Variants in NALF1 observed in about 807,000 individuals in gnomAD.
NALF1 encodes family with sequence similarity 155 member A.
NALF1 carries 3 observed loss-of-function variants against 48.4 expected under a neutral mutation model. The observed-to-expected ratio is 0.06, with a 90% confidence interval of 0.03 to 0.16. The LOEUF is 0.16. NALF1 is among the 10% of genes least tolerant of loss of function. The pLI is 1.00. For synonymous variants in NALF1, 262 were observed against 245.7 expected, an observed-to-expected ratio of 1.07 and a Z score of -0.62; for missense variants, 526 against 571.5, an observed-to-expected ratio of 0.92 and a Z score of 0.81.
At chr13:107,496,178 T>A (rs1022852267) in intron 1 of NALF1, among the ~76,000 whole-genome samples, 1 of 152,202 alleles carries the variant, frequency 6.6e-6, no homozygotes, top group Non-Finnish European at 1.5e-5. Context: ...GTTTTAAAAG[T>A]ATTTTCCCTG....
chr13:107,622,010 T>C (rs1157866382), intron 1 of NALF1, among the ~76,000 whole-genome samples: 5 of 152,086 alleles, frequency 3.3e-5, no homozygotes, highest in Non-Finnish European at 7.4e-5. Flanking sequence ...TTTTTTTCTT[T>C]GAAACTGAGT....
At chr13:107,527,012 G>C (rs1049319826) in intron 1 of NALF1, among the ~76,000 whole-genome samples, 12 of 152,124 alleles carry the variant, frequency 7.9e-5, no homozygotes, top group Admixed American at 2.6e-4. Context: ...AGGGCACTAA[G>C]AAATTAGGAC....
intron 1 of NALF1, among the ~76,000 whole-genome samples, chr13:107,458,856 A>T (rs1884869918): frequency 6.6e-6 from 1 of 152,188 alleles, no homozygotes; most frequent in South Asian, 2.1e-4. Flanking sequence ...TTATTAATAC[A>T]CTATTTTTTG....
At chr13:107,497,769 C>A (rs1240892183) in intron 1 of NALF1, among the ~76,000 whole-genome samples, 1 of 152,292 alleles carries the variant, frequency 6.6e-6, no homozygotes, top group African/African-American at 2.4e-5. Flanking sequence ...AGAAGCCCTG[C>A]CTCGTGTAAC....
chr13:107,463,514 G>C (rs1040717348), intron 1 of NALF1, among the ~76,000 whole-genome samples: 3 of 152,352 alleles, frequency 2.0e-5, no homozygotes, highest in Middle Eastern at 3.4e-3. Context: ...GGTATATTGA[G>C]TAAGAGAAAG....
chr13:107,340,866 T>A (rs905468850), intron 1 of NALF1, among the ~76,000 whole-genome samples: 3 of 152,154 alleles, frequency 2.0e-5, no homozygotes, highest in Admixed American at 6.5e-5. Context: ...TTTCAACAAC[T>A]ATATCTGTGA....
intron 1 of NALF1, among the ~76,000 whole-genome samples, chr13:107,826,894 G>C (rs1261904208): frequency 6.6e-6 from 1 of 152,182 alleles, no homozygotes; most frequent in Non-Finnish European, 1.5e-5. Context: ...GGAGTGAATT[G>C]TGCACCCTGC....
chr13:107,713,383 G>C (rs1875659745), intron 1 of NALF1, among the ~76,000 whole-genome samples: 1 of 152,086 alleles, frequency 6.6e-6, no homozygotes, highest in Admixed American at 6.6e-5. Flanking sequence ...TGAATATAAT[G>C]ATATCAACAT....
At chr13:107,387,372 C>T (rs1333762389) in intron 1 of NALF1, among the ~76,000 whole-genome samples, 2 of 152,126 alleles carry the variant, frequency 1.3e-5, no homozygotes, top group African/African-American at 2.4e-5. Flanking sequence ...GCAGCAGGTT[C>T]CTTCATTCCT....
chr13:107,559,017 G>C (rs2138391659), intron 1 of NALF1, among the ~76,000 whole-genome samples: 1 of 152,258 alleles, frequency 6.6e-6, no homozygotes, highest in East Asian at 1.9e-4. Flanking sequence ...ACCCTGCAGG[G>C]ACCAGATCGT....
chr13:107,421,303 C>G (rs929767621), intron 1 of NALF1, among the ~76,000 whole-genome samples: 4 of 152,114 alleles, frequency 2.6e-5, no homozygotes, highest in Non-Finnish European at 4.4e-5. Flanking sequence ...TATCTCAATA[C>G]TCATTAACAA....
intron 1 of NALF1, among the ~76,000 whole-genome samples, chr13:107,306,843 T>C (rs1378733385): frequency 6.6e-6 from 1 of 152,112 alleles, no homozygotes; most frequent in Admixed American, 6.5e-5. Context: ...TGCCTGCCTG[T>C]AGTCTCAGCT....
At chr13:107,554,246 T>C (rs1158562338) in intron 1 of NALF1, among the ~76,000 whole-genome samples, 1 of 152,176 alleles carries the variant, frequency 6.6e-6, no homozygotes, top group Non-Finnish European at 1.5e-5. Context: ...GAAGCTCCAT[T>C]TTCAGATTTC....
At chr13:107,263,249 G>GACAC (rs34637583) in intron 1 of NALF1, among the ~76,000 whole-genome samples, 10,677 of 138,320 alleles carry the variant, frequency 0.077, 506 homozygotes, top group African/African-American at 0.11. Context: ...AATGCTAACA[G>GACAC]ACACACACAC....
intron 1 of NALF1, among the ~76,000 whole-genome samples, chr13:107,701,656 T>A (rs982786663): frequency 2.0e-5 from 3 of 152,070 alleles, no homozygotes; most frequent in Admixed American, 2.0e-4. Context: ...AATCTAGAGA[T>A]CTAGGTAGAA....
chr13:107,581,989 C>T (rs749469508), intron 1 of NALF1, among the ~76,000 whole-genome samples: 28 of 152,112 alleles, frequency 1.8e-4, no homozygotes, highest in Non-Finnish European at 3.1e-4. Flanking sequence ...TCATTTACTC[C>T]AGAATTATAG....
At chr13:107,431,796 A>C (rs1319371898) in intron 1 of NALF1, among the ~76,000 whole-genome samples, 5 of 152,080 alleles carry the variant, frequency 3.3e-5, no homozygotes, top group African/African-American at 4.8e-5. Flanking sequence ...ATTAAGTCCT[A>C]ATGCTCTAAA....
chr13:107,235,717 A>T (rs1381863900), intron 1 of NALF1, among the ~76,000 whole-genome samples: 1 of 152,196 alleles, frequency 6.6e-6, no homozygotes. Context: ...ATCGATACAG[A>T]GGGCTGTCTG....
chr13:107,587,394 A>C (rs1566404481), intron 1 of NALF1, among the ~76,000 whole-genome samples: 1 of 152,194 alleles, frequency 6.6e-6, no homozygotes, highest in Non-Finnish European at 1.5e-5. Flanking sequence ...TATATCTTTC[A>C]GGGTATTCTT....
Sources: allele counts gnomAD v4.1 joint callset (sites outside exome capture counted in the v4.1 genomes callset), GRCh38; gene constraint gnomAD v4.1.1; transcripts MANE v1.5; gene names NCBI Gene and HGNC (gene_info 2026-07-23, HGNC 2026-07-21).